The following GNAQ variants were observed in gnomAD, a reference collection of about 807,000 sequenced individuals.
GNAQ encodes the protein guanine nucleotide-binding protein G(q) subunit alpha.
Under a neutral mutation model 43.9 loss-of-function variants are expected in GNAQ, and 8 were observed. That is an observed-to-expected ratio of 0.18 (90% CI 0.11 to 0.33). The LOEUF (loss-of-function observed/expected upper bound fraction) is 0.33. Ranked by LOEUF, GNAQ falls within the 10% of genes least tolerant of loss-of-function variation. The pLI, the probability that GNAQ is intolerant of heterozygous loss-of-function variation, is 1.00. For missense variants in GNAQ, 158 were observed against 450.8 expected (o/e 0.35, Z 5.88); for synonymous variants, 155 against 170.7 (o/e 0.91, Z 0.71).
chr9:77,922,618 T>C (rs1444445038), intron 1 of GNAQ, among the ~76,000 whole-genome samples: 2 of 152,192 alleles, frequency 1.3e-5, no homozygotes, highest in African/African-American at 4.8e-5. Flanking sequence ...GATAGTGATT[T>C]GTAACCATGT....
chr9:78,021,296 G>T (rs1015857227), intron 1 of GNAQ, among the ~76,000 whole-genome samples: 21 of 151,980 alleles, frequency 1.4e-4, no homozygotes, highest in African/African-American at 5.1e-4. Context: ...AAAGTGCTGG[G>T]ATTACACGCG....
chr9:78,029,749 T>C (rs547698411), intron 1 of GNAQ, among the ~76,000 whole-genome samples: 31 of 152,178 alleles, frequency 2.0e-4, no homozygotes, highest in Non-Finnish European at 3.4e-4. Flanking sequence ...AGCCAGCAAA[T>C]GGAATGCTCA....
chr9:77,895,210 A>C (rs1828480476), intron 2 of GNAQ, among the ~76,000 whole-genome samples: 1 of 151,978 alleles, frequency 6.6e-6, no homozygotes, highest in South Asian at 2.1e-4. Context: ...AAAAAAAAAA[A>C]AAACAGAATG....
At chr9:77,869,139 T>C (rs1827996091) in intron 2 of GNAQ, among the ~76,000 whole-genome samples, 1 of 152,150 alleles carries the variant, frequency 6.6e-6, no homozygotes, top group Non-Finnish European at 1.5e-5. Flanking sequence ...TTTTGATCTC[T>C]AAATACACTA....
rs372746608 is a variant in GNAQ, at chr9:77,721,469, T to C, written c.934A>G (p.Met312Val). 2 of 1,613,146 alleles carry C rather than the reference T, an allele frequency of 1.2e-6. No individual in the cohort carries two copies. The highest frequency in any genetic ancestry group is 1.7e-5 in the Admixed American group (1 of 59,930). ...AQAAREFILKMFVDLNPDSDK... is the reference protein window; with the variant it reads ...AQAAREFILKVFVDLNPDSDK... ...CTGTCTGGGTTCAGGTCCACGAACA[T>C]CTTCAGAATGAATTCTCGGGCTGCC... The change falls in exon 7 of 7, where the codon ATG becomes GTG. Residue 312 changes from methionine (M) to valine (V), a missense_variant. Transcript: ENST00000286548.
chr9:77,807,588 C>T (rs1306940514), intron 3 of GNAQ, among the ~76,000 whole-genome samples: 1 of 152,178 alleles, frequency 6.6e-6, no homozygotes, highest in Non-Finnish European at 1.5e-5. Flanking sequence ...TTGCTCACTT[C>T]CTACCAAACG....
chr9:77,815,454 A>T (rs1428013458), intron 3 of GNAQ, among the ~76,000 whole-genome samples, 162 bp downstream of exon 3: 3 of 152,174 alleles, frequency 2.0e-5, no homozygotes, highest in African/African-American at 7.2e-5. Flanking sequence ...CCTAATTTAG[A>T]TTTATGAGGT....
intron 2 of GNAQ, among the ~76,000 whole-genome samples, chr9:77,834,791 G>A (rs1827357276): frequency 6.6e-6 from 1 of 152,184 alleles, no homozygotes; most frequent in Non-Finnish European, 1.5e-5. Context: ...GTTCTCCAAA[G>A]AGACAAAACC....
chr9:77,837,998 C>T (rs1444356894), intron 2 of GNAQ, among the ~76,000 whole-genome samples: 2 of 151,882 alleles, frequency 1.3e-5, no homozygotes, highest in Non-Finnish European at 2.9e-5. Context: ...GCTGGAACTA[C>T]AGGTATGCGC....
chr9:77,892,734 A>T (rs1282941438), intron 2 of GNAQ, among the ~76,000 whole-genome samples: 1 of 152,220 alleles, frequency 6.6e-6, no homozygotes, highest in African/African-American at 2.4e-5. Context: ...ACTTGAAAAA[A>T]GCTTCATTTA....
At chr9:77,982,090 C>T (rs7862911) in intron 1 of GNAQ, among the ~76,000 whole-genome samples, 44,776 of 152,072 alleles carry the variant, frequency 0.29, 6,785 homozygotes, top group South Asian at 0.43. Context: ...CAACCTACTG[C>T]TAATTCTTAG....
In GNAQ at chr9:77,808,783, G is replaced by A. The variant is rs140429653; in HGVS notation, c.476+6833C>T. On this transcript the variant is annotated intron_variant, in intron 3 of 6. Coordinates refer to ENST00000286548, the MANE Select transcript of GNAQ (RefSeq NM_002072.5). ...CCCCCGAGGTAGTGAGTAGCAGAGG[G>A]AATTCCAGCTGGACCTTGACCTAAT... 2.9e-4 allele frequency among the ~76,000 whole-genome samples: 44 copies of A among 152,116 alleles called. 1 individual carries two copies. Among genetic ancestry groups the A allele is most frequent in the Non-Finnish European group, 2.5e-4 (17 of 68,006 alleles).
intron 2 of GNAQ, among the ~76,000 whole-genome samples, chr9:77,916,224 A>G (rs555032631): frequency 6.6e-6 from 1 of 152,326 alleles, no homozygotes; most frequent in Non-Finnish European, 1.5e-5. Flanking sequence ...TGTTGCTTGC[A>G]AGCAGAGAAC....
rs1312658044 is a variant in GNAQ, at chr9:77,717,056, A to C, written c.*4267T>G. ...CTAGCTAATCATATACAACTAAGCC[A>C]TTTCTTTTCCTAATTTGATGGAACC... On this transcript the variant is annotated 3_prime_UTR_variant, in exon 7 of 7. Transcript: ENST00000286548. The C allele has an allele frequency of 4.3e-6, 1 of 232,642 alleles. No homozygotes were observed. The highest frequency in any genetic ancestry group is 2.2e-5 in the African/African-American group (1 of 45,326). The allele number at this position is 232,642 out of a possible 1,614,324, so 14.4% of individuals were successfully genotyped here. A position where few individuals can be genotyped will look rare whatever the true frequency, so the allele number is the denominator to read the frequency against.
chr9:77,933,499 G>C (rs1309503240), intron 1 of GNAQ, among the ~76,000 whole-genome samples: 1 of 152,018 alleles, frequency 6.6e-6, no homozygotes, highest in Non-Finnish European at 1.5e-5. Context: ...ACAAAAATTA[G>C]CCAGACGGGG....
At chr9:77,860,315 G>T (rs537191992) in intron 2 of GNAQ, among the ~76,000 whole-genome samples, 1 of 152,018 alleles carries the variant, frequency 6.6e-6, no homozygotes, top group South Asian at 2.1e-4. Context: ...TAGTTTCCCT[G>T]CTAGACAATG....
At chr9:78,025,313 C>G (rs1244981189) in intron 1 of GNAQ, among the ~76,000 whole-genome samples, 1 of 152,172 alleles carries the variant, frequency 6.6e-6, no homozygotes, top group Non-Finnish European at 1.5e-5. Flanking sequence ...TTATCAGTAA[C>G]AGCTATTCAC....
At chr9:77,949,633 T>C (rs1303622485) in intron 1 of GNAQ, among the ~76,000 whole-genome samples, 3 of 152,080 alleles carry the variant, frequency 2.0e-5, no homozygotes, top group East Asian at 3.9e-4. Flanking sequence ...AAAATTGGCA[T>C]AGGTGAGCTA....
At chr9:78,026,474 A>G (rs545182875) in intron 1 of GNAQ, among the ~76,000 whole-genome samples, 2 of 152,332 alleles carry the variant, frequency 1.3e-5, no homozygotes, top group Admixed American at 6.5e-5. Context: ...AACATATTCA[A>G]CACTTGGAAG....
Sources: allele counts gnomAD v4.1 joint callset (sites outside exome capture counted in the v4.1 genomes callset), GRCh38; gene constraint gnomAD v4.1.1; transcripts MANE v1.5; gene names NCBI Gene and HGNC (gene_info 2026-07-23, HGNC 2026-07-21).